SETBP1: variants seen among roughly 807,000 people sequenced by gnomAD.
SETBP1 encodes SET binding protein 1.
In SETBP1, 9 loss-of-function variants were observed where a neutral mutation model predicts 101.0. That is an observed-to-expected ratio of 0.09 (90% CI 0.05 to 0.16). The LOEUF (loss-of-function observed/expected upper bound fraction) is 0.16, where lower values mean the gene tolerates loss of function less well. Ranked by LOEUF, SETBP1 falls within the 10% of genes least tolerant of loss-of-function variation. The pLI, the probability that SETBP1 is intolerant of heterozygous loss-of-function variation, is 1.00. For missense variants in SETBP1, 1,858 were observed against 2,033.8 expected, an observed-to-expected ratio of 0.91 and a Z score of 1.66; for synonymous variants, 818 against 788.5, an observed-to-expected ratio of 1.04 and a Z score of -0.63.
chr18:44,789,508 G>T (rs766995492), intron 2 of SETBP1, among the ~76,000 whole-genome samples: 2 of 152,142 alleles, frequency 1.3e-5, no homozygotes, highest in Admixed American at 1.3e-4. Context: ...GTGATCATCC[G>T]AGCAGTATGT....
rs1599365291 is a variant in SETBP1, at chr18:44,950,382, C to T, written c.1042C>T (p.Pro348Ser). Residue 348 changes from proline to serine, a missense_variant, in exon 4 of 6, where the codon CCA becomes TCA. Pro to Ser is a moderately conservative substitution (Grantham distance 74). Coordinates refer to ENST00000649279, the MANE Select transcript of SETBP1 (RefSeq NM_015559.3). ...AAAAGATGTGATAAGTCAGACCATA[C>T]CAAACCCAGACCTGGATTGGGTCAA... ...SKKDVISQTI[P>S]NPDLDWVKNA... 9.9e-6 allele frequency: 16 copies of T among 1,614,106 alleles called. No homozygotes were observed. In the East Asian group the frequency reaches 3.6e-4, roughly 36 times the overall value.
intron 2 of SETBP1, among the ~76,000 whole-genome samples, chr18:44,733,835 C>G (rs1229413432): frequency 6.6e-6 from 1 of 152,076 alleles, no homozygotes; most frequent in Non-Finnish European, 1.5e-5. Context: ...GCAGGTCTCC[C>G]CTTCTGTTCC....
At chr18:44,907,947 G>A (rs1302328116) in intron 3 of SETBP1, among the ~76,000 whole-genome samples, 1 of 152,180 alleles carries the variant, frequency 6.6e-6, no homozygotes. Flanking sequence ...TTTCTTCTAA[G>A]AAATTGATAG....
intron 2 of SETBP1, among the ~76,000 whole-genome samples, chr18:44,730,298 G>T (rs11663988): frequency 6.6e-6 from 1 of 152,200 alleles, no homozygotes; most frequent in East Asian, 1.9e-4. Context: ...GAGTCAATAT[G>T]AGCTAAATGG....
intron 5 of SETBP1, among the ~76,000 whole-genome samples, chr18:45,041,233 G>C (rs897962969): frequency 6.6e-6 from 1 of 152,156 alleles, no homozygotes; most frequent in African/African-American, 2.4e-5. Context: ...ACTTCTTTTG[G>C]AGAACAGTGA....
In SETBP1 at chr18:45,063,508, C is replaced by T. The variant is rs1318869100; in HGVS notation, c.4601C>T (p.Pro1534Leu). 7.1e-7 allele frequency: 1 copy of T among 1,413,674 alleles called. No homozygotes were observed. 87.6% of individuals were successfully genotyped at this position (1,413,674 alleles called of 1,614,324 possible). The change falls in exon 6 of 6, where the codon CCG (proline) becomes CTG (leucine). Residue 1534 changes from proline to leucine, a missense_variant. Pro to Leu is a moderately conservative substitution (Grantham distance 98). Transcript: ENST00000649279. ...PPPPPPLPPP[P>L]PPPLPPPPPL... ...CCGCCGCCGCCCCTGCCGCCACCGC[C>T]GCCACCACCCCTGCCCCCGCCACCC...
chr18:45,037,896 C>T lies in SETBP1; in HGVS notation c.4001-589C>T, dbSNP rs1329395347. On this transcript the variant is annotated intron_variant, in intron 4 of 5. Transcript: ENST00000649279. ...GATCATGTTTACTCCCCACCCATGCCTTAGCCTATGCCCTTACTGAAAATG... is the reference window on the plus strand; with the variant it reads ...GATCATGTTTACTCCCCACCCATGCTTTAGCCTATGCCCTTACTGAAAATG... Among the ~76,000 whole-genome samples the T allele has an allele frequency of 2.0e-5, 3 of 152,190 alleles. 1 individual carries two copies. Among genetic ancestry groups the T allele is most frequent in the Admixed American group, 2.0e-4 (3 of 15,278 alleles).
intron 5 of SETBP1, among the ~76,000 whole-genome samples, chr18:45,040,519 T>TG (rs1351448632): frequency 1.4e-4 from 22 of 152,334 alleles, no homozygotes; most frequent in African/African-American, 5.3e-4. Context: ...CCTCTCTTTA[T>TG]GGATTGAGAA....
At chr18:44,744,274 G>C (rs2070169154) in intron 2 of SETBP1, among the ~76,000 whole-genome samples, 1 of 152,242 alleles carries the variant, frequency 6.6e-6, no homozygotes, top group Non-Finnish European at 1.5e-5. Flanking sequence ...ATCTGCTGGA[G>C]CTGCACGCCT....
intron 3 of SETBP1, among the ~76,000 whole-genome samples, chr18:44,918,905 G>C (rs2070511545): frequency 1.3e-5 from 2 of 152,190 alleles, no homozygotes; most frequent in Non-Finnish European, 2.9e-5. Flanking sequence ...GGAGCACTTT[G>C]CAGAGATATG....
chr18:44,766,097 G>C (rs2070758889), intron 2 of SETBP1, among the ~76,000 whole-genome samples: 2 of 151,998 alleles, frequency 1.3e-5, no homozygotes, highest in South Asian at 4.1e-4. Context: ...CCCATTCTGG[G>C]GTGTGTGTGT....
At chr18:44,907,837 T>A (rs148614818) in intron 3 of SETBP1, among the ~76,000 whole-genome samples, 74 of 152,302 alleles carry the variant, frequency 4.9e-4, no homozygotes, top group Middle Eastern at 6.8e-3. Flanking sequence ...GAAGCATAAC[T>A]TTTTATTAAG....
At chr18:44,870,400 G>A (rs915486281) in intron 3 of SETBP1, 2 of 152,204 alleles carry the variant, frequency 1.3e-5, no homozygotes, top group Admixed American at 1.3e-4. Flanking sequence ...TAGAGGAAGA[G>A]AATTAACAGA....
chr18:44,705,626 A>G (rs934747907), intron 2 of SETBP1, among the ~76,000 whole-genome samples: 2 of 152,160 alleles, frequency 1.3e-5, no homozygotes, highest in Admixed American at 1.3e-4. Context: ...GGGATCCCAA[A>G]TGATTTTCGT....
Position 45,063,416 on chromosome 18 carries a change from C to T in SETBP1, c.4509C>T (p.Asp1503=). 6.5e-7 allele frequency: 1 copy of T among 1,529,102 alleles called. No individual in the cohort carries two copies. Among genetic ancestry groups the T allele is most frequent in the Non-Finnish European group, 8.8e-7 (1 of 1,137,064 alleles). 94.7% of individuals were successfully genotyped at this position (1,529,102 alleles called of 1,614,324 possible). A position where few individuals can be genotyped will look rare whatever the true frequency, so the allele number is the denominator to read the frequency against. Residue 1503 remains aspartate, a synonymous_variant, in exon 6 of 6, where the codon GAC becomes GAT. Transcript: ENST00000649279. Reference sequence around the variant, plus strand: ...TGCTGGAGCCCGCCGCCAGCCAAGACACCATCATGGCCACCATCGAGGCGG... The same window carrying T: ...TGCTGGAGCCCGCCGCCAGCCAAGATACCATCATGGCCACCATCGAGGCGG... ...PLVLEPAASQ[D]TIMATIEAVI...
intron 2 of SETBP1, among the ~76,000 whole-genome samples, chr18:44,730,603 A>G (rs1044780099): frequency 9.2e-5 from 14 of 152,186 alleles, no homozygotes; most frequent in African/African-American, 3.4e-4. Flanking sequence ...TACCAAGAAG[A>G]AAGCATTTTG....
intron 2 of SETBP1, among the ~76,000 whole-genome samples, chr18:44,751,229 G>A (rs1199427669): frequency 1.3e-5 from 2 of 152,200 alleles, no homozygotes; most frequent in Non-Finnish European, 2.9e-5. Context: ...TTCCACATCA[G>A]CCTCACCCTT....
chr18:44,941,249 A>AT (rs1210565988), intron 3 of SETBP1, among the ~76,000 whole-genome samples: 2 of 151,082 alleles, frequency 1.3e-5, no homozygotes, highest in Admixed American at 6.6e-5. Flanking sequence ...ACCCTGCTAA[A>AT]TTTTTTTTGT....
intron 4 of SETBP1, among the ~76,000 whole-genome samples, chr18:44,963,564 T>TA (rs2071657261): frequency 1.3e-5 from 2 of 152,156 alleles, no homozygotes; most frequent in African/African-American, 4.8e-5. Flanking sequence ...ACCCACCTAC[T>TA]GGTAAACATT....
Sources: allele counts gnomAD v4.1 joint callset (sites outside exome capture counted in the v4.1 genomes callset), GRCh38; gene constraint gnomAD v4.1.1; transcripts MANE v1.5; gene names NCBI Gene and HGNC (gene_info 2026-07-23, HGNC 2026-07-21).